DYNC2I1: variants seen among roughly 807,000 people sequenced by gnomAD.
DYNC2I1 encodes cytoplasmic dynein 2 intermediate chain 1.
A neutral mutation model predicts 133.4 loss-of-function variants in DYNC2I1; 89 were observed. The ratio of observed to expected loss-of-function variants is 0.67; its 90% CI spans 0.56 to 0.80. The LOEUF (loss-of-function observed/expected upper bound fraction) is 0.80. Ranked by LOEUF, DYNC2I1 falls within the 30% of genes least tolerant of loss-of-function variation. DYNC2I1 has a pLI of 0.00. For synonymous variants in DYNC2I1, 504 were observed against 484.3 expected, an observed-to-expected ratio of 1.04 and a Z score of -0.54; for missense variants, 1,291 against 1,314.5, an observed-to-expected ratio of 0.98 and a Z score of 0.28.
At chr7:158,946,413 G>A (rs977711967), downstream of DYNC2I1, among the ~76,000 whole-genome samples, 1 of 152,236 alleles carries the variant, frequency 6.6e-6, no homozygotes. Context: ...TAGTTTATCA[G>A]CAACAGAAAT....
downstream of DYNC2I1, among the ~76,000 whole-genome samples, chr7:158,957,067 C>CGCT (rs376356463): frequency 6.6e-6 from 1 of 152,218 alleles, no homozygotes. Flanking sequence ...TGATCTATTT[C>CGCT]GCTGCTGCTG....
At chr7:158,905,673 G>GT (rs932500802) in intron 10 of DYNC2I1, among the ~76,000 whole-genome samples, 8 of 151,736 alleles carry the variant, frequency 5.3e-5, no homozygotes, top group East Asian at 1.9e-4. Flanking sequence ...GATAATCTTT[G>GT]TTTTTTTTGC....
chr7:158,861,888 A>G (rs1455613143), intron 1 of DYNC2I1, among the ~76,000 whole-genome samples: 1 of 152,224 alleles, frequency 6.6e-6, no homozygotes, highest in Non-Finnish European at 1.5e-5. Flanking sequence ...CGTCAGTTAC[A>G]CAGTCAAGTA....
intron 8 of DYNC2I1, among the ~76,000 whole-genome samples, chr7:158,900,355 C>T (rs1425695723): frequency 6.6e-6 from 1 of 152,116 alleles, no homozygotes; most frequent in African/African-American, 2.4e-5. Flanking sequence ...CTCCTGACCT[C>T]AGATGATCCA....
intron 11 of DYNC2I1, among the ~76,000 whole-genome samples, chr7:158,908,871 A>G (rs544236285): frequency 1.1e-4 from 16 of 152,324 alleles, no homozygotes; most frequent in African/African-American, 3.4e-4. Context: ...ATTATTCCCC[A>G]GTCTCTCACC....
At position 158,926,172 on chromosome 7, in the gene DYNC2I1, G is replaced by A; in HGVS notation, c.2258-15G>A. 1 of 1,599,184 alleles carries A rather than the reference G, an allele frequency of 6.3e-7. No homozygotes were observed. The highest frequency in any genetic ancestry group is 8.6e-7 in the Non-Finnish European group (1 of 1,168,634). On this transcript the variant is annotated splice_polypyrimidine_tract_variant and intron_variant, in intron 17 of 24. Transcript: ENST00000407559. Reference sequence around the variant, plus strand: ...TACTACTTACACGTGGATGCTGTGGGCTTTTGAACTCCAGATGGAATCCTT... The same window carrying A: ...TACTACTTACACGTGGATGCTGTGGACTTTTGAACTCCAGATGGAATCCTT...
At chr7:158,922,288 A>G in intron 15 of DYNC2I1, 89 bp from the exon 16 acceptor site, 1 of 1,372,096 alleles carries the variant, frequency 7.3e-7, no homozygotes, top group Non-Finnish European at 1.0e-6. Flanking sequence ...CATGAAGCTG[A>G]ATTTTTTTTT....
In DYNC2I1 at chr7:158,876,697, C is replaced by T. The variant is rs913915593; in HGVS notation, c.573+6C>T. Reference sequence around the variant, plus strand: ...GAAGATACCGAGAAAGAAAGGTATACGAAGCAAGGCCTGGGGAAAAGTTTT... The same window carrying T: ...GAAGATACCGAGAAAGAAAGGTATATGAAGCAAGGCCTGGGGAAAAGTTTT... On this transcript the variant is annotated splice_donor_region_variant and intron_variant, in intron 4 of 24. Transcript: ENST00000407559. The T allele has an allele frequency of 7.7e-6, 12 of 1,553,506 alleles. No homozygotes were observed. Among genetic ancestry groups the T allele is most frequent in the African/African-American group, 2.8e-5 (2 of 71,560 alleles).
At chr7:158,885,481 A>G (rs576004368) in intron 6 of DYNC2I1, among the ~76,000 whole-genome samples, 1 of 152,044 alleles carries the variant, frequency 6.6e-6, no homozygotes, top group East Asian at 1.9e-4. Flanking sequence ...AGCTGGAACT[A>G]CAGGCACATA....
upstream of DYNC2I1, among the ~76,000 whole-genome samples, chr7:158,853,503 C>T (rs1377146566): frequency 6.6e-6 from 1 of 152,060 alleles, no homozygotes; most frequent in Admixed American, 6.6e-5. Context: ...AACAGTCTTT[C>T]GTTTTAGACC....
chr7:158,864,503 C>T (rs1842226201), intron 1 of DYNC2I1, among the ~76,000 whole-genome samples: 1 of 152,050 alleles, frequency 6.6e-6, no homozygotes, highest in Admixed American at 6.6e-5. Flanking sequence ...TCTGGTGACG[C>T]TTTCCTCTGT....
chr7:158,905,006 C>T (rs1361298445), intron 10 of DYNC2I1: 1 of 292,966 alleles, frequency 3.4e-6, no homozygotes, highest in South Asian at 3.0e-5. Context: ...AATAAATATA[C>T]AAACAAATAA....
chr7:158,946,643 C>T (rs1851893311), downstream of DYNC2I1, among the ~76,000 whole-genome samples: 1 of 152,264 alleles, frequency 6.6e-6, no homozygotes, highest in Non-Finnish European at 1.5e-5. Context: ...ACAGCATCAC[C>T]CTTGTGCTTA....
chr7:158,854,687 A>G (rs905609802), upstream of DYNC2I1, among the ~76,000 whole-genome samples: 1 of 152,218 alleles, frequency 6.6e-6, no homozygotes, highest in Non-Finnish European at 1.5e-5. Context: ...AAGGGCTGTT[A>G]TCTTTCTTTC....
At chr7:158,886,077 A>G (rs1476054438) in intron 6 of DYNC2I1, among the ~76,000 whole-genome samples, 2 of 149,726 alleles carry the variant, frequency 1.3e-5, no homozygotes, top group Non-Finnish European at 3.0e-5. Context: ...TTTTATATTT[A>G]ATATAAAATA....
chr7:158,850,877 C>T, the DYNC2I1 span, among the ~76,000 whole-genome samples: 2 of 152,036 alleles, frequency 1.3e-5, no homozygotes, highest in South Asian at 4.1e-4. Flanking sequence ...TAGGGAACCT[C>T]TTTTTCCCCA....
the DYNC2I1 span, among the ~76,000 whole-genome samples, chr7:158,841,468 C>T: frequency 6.6e-6 from 1 of 152,008 alleles, no homozygotes; most frequent in South Asian, 2.1e-4. Flanking sequence ...CTGCCTCAGC[C>T]TTCCAAAGCA....
chr7:158,895,214 T>G (rs1845651765), intron 8 of DYNC2I1, among the ~76,000 whole-genome samples: 1 of 152,240 alleles, frequency 6.6e-6, no homozygotes, highest in South Asian at 2.1e-4. Context: ...ATCTAAAAAG[T>G]CATCTCCATA....
At chr7:158,877,177 C>T (rs1020906047) in intron 4 of DYNC2I1, among the ~76,000 whole-genome samples, 4 of 151,754 alleles carry the variant, frequency 2.6e-5, no homozygotes, top group African/African-American at 9.7e-5. Context: ...CAGGCACCTG[C>T]GGTTCCGGAT....
Sources: gnomAD v4.1 joint callset for allele counts (sites outside exome capture counted in the v4.1 genomes callset) on GRCh38, gnomAD v4.1.1 for gene constraint, MANE v1.5 for transcripts, NCBI Gene and HGNC (gene_info 2026-07-23, HGNC 2026-07-21) for gene names.